Variants in UBE2F observed in about 807,000 individuals in gnomAD.
UBE2F encodes the protein NEDD8-conjugating enzyme UBE2F.
Under a neutral mutation model 29.6 loss-of-function variants are expected in UBE2F, and 5 were observed. The ratio of observed to expected loss-of-function variants is 0.17; its 90% confidence interval spans 0.09 to 0.36. UBE2F has a LOEUF of 0.36. UBE2F is among the 10% of genes least tolerant of loss of function. The pLI, the probability that UBE2F is intolerant of heterozygous loss-of-function variation, is 1.00. For synonymous variants in UBE2F, 66 were observed against 81.8 expected (o/e 0.81, Z 1.04); for missense variants, 141 against 228.5 (o/e 0.62, Z 2.47).
chr2:238,035,685 C>T (rs2064692863), intron 8 of UBE2F, 193 bp from the exon 9 acceptor site: 1 of 546,298 alleles, frequency 1.8e-6, no homozygotes, highest in African/African-American at 1.9e-5. Flanking sequence ...TTGTCAGTCA[C>T]CATTTTGAAA....
intron 9 of UBE2F, among the ~76,000 whole-genome samples, chr2:238,038,404 G>C (rs1334087543): frequency 1.3e-5 from 2 of 152,200 alleles, no homozygotes; most frequent in African/African-American, 4.8e-5. Flanking sequence ...TGTGTTGTCT[G>C]GTAAAGCCTT....
chr2:237,990,419 A>G, intron 3 of UBE2F: 1 of 431,074 alleles, frequency 2.3e-6, no homozygotes, highest in South Asian at 1.7e-5. Flanking sequence ...TTTTTTTTTT[A>G]ATAGACAGGG....
chr2:238,040,906 G>A lies in UBE2F; in HGVS notation c.508-382G>A, dbSNP rs549090382. On this transcript the variant is annotated intron_variant, in intron 9 of 9. Transcript: ENST00000272930. The surrounding 1 kb of genome is among the most constrained non-coding windows in gnomAD (Gnocchi z 4.4). ...CTAGGAAGACAAATCCAGAAACAAGGGTCTTCCTGAGAGCAGCAGCTGTGG... is the reference window on the plus strand; with the variant it reads ...CTAGGAAGACAAATCCAGAAACAAGAGTCTTCCTGAGAGCAGCAGCTGTGG... 6.6e-6 allele frequency among the ~76,000 whole-genome samples: 1 copy of A among 152,218 alleles called. No individual in the cohort carries two copies. The highest frequency in any genetic ancestry group is 1.9e-4 in the East Asian group (1 of 5,172).
chr2:238,021,212 T>A (rs1278019189), intron 5 of UBE2F, among the ~76,000 whole-genome samples: 1 of 152,168 alleles, frequency 6.6e-6, no homozygotes, highest in Non-Finnish European at 1.5e-5. Flanking sequence ...AACATGACCA[T>A]GGCCAGCCCG....
intron 3 of UBE2F, among the ~76,000 whole-genome samples, chr2:237,988,777 C>T (rs753421726): frequency 3.9e-5 from 6 of 152,142 alleles, no homozygotes; most frequent in African/African-American, 7.2e-5. Context: ...AACAGTTCCA[C>T]TTTTGTTAGG....
intron 1 of UBE2F, among the ~76,000 whole-genome samples, chr2:237,968,101 A>G (rs1209527749): frequency 1.3e-5 from 2 of 152,166 alleles, no homozygotes; most frequent in Admixed American, 6.5e-5. Context: ...CTGGAAATGA[A>G]CAGGGTGTTG....
intron 3 of UBE2F, among the ~76,000 whole-genome samples, chr2:237,988,781 T>A (rs1048182953): frequency 6.6e-6 from 1 of 152,130 alleles, no homozygotes; most frequent in African/African-American, 2.4e-5. Context: ...GTTCCACTTT[T>A]GTTAGGGATG....
chr2:238,034,924 GCT>G (rs1406968919), intron 8 of UBE2F, among the ~76,000 whole-genome samples: 11 of 151,212 alleles, frequency 7.3e-5, no homozygotes, highest in Admixed American at 7.3e-4. Flanking sequence ...ACCGAGTCTT[GCT>G]CTGTCACCCA....
rs903995788 is a variant in UBE2F, at chr2:237,967,272, G to C, written c.-17+140G>C. On this transcript the variant is annotated intron_variant, in intron 1 of 9. Transcript: ENST00000272930. The surrounding 1 kb of genome is among the most constrained non-coding windows in gnomAD (Gnocchi z 6.3). ...GGGTTCCTCACGCCGGGGGCCTGGC[G>C]GGCGCGGGCACCCGGACGCGAGGCC... 13 of 458,290 alleles carry C rather than the reference G, an allele frequency of 2.8e-5. No individual in the cohort carries two copies. Among genetic ancestry groups the C allele is most frequent in the Non-Finnish European group, 3.4e-5 (12 of 350,612 alleles). 28.4% of individuals were successfully genotyped at this position (458,290 alleles called of 1,614,324 possible).
chr2:237,989,791 G>A (rs1288807511), intron 3 of UBE2F, among the ~76,000 whole-genome samples: 1 of 152,054 alleles, frequency 6.6e-6, no homozygotes, highest in Non-Finnish European at 1.5e-5. Flanking sequence ...TCTTCAACTC[G>A]GAAATGAGGC....
intron 5 of UBE2F, among the ~76,000 whole-genome samples, chr2:238,018,101 C>A (rs2064203760): frequency 6.6e-6 from 1 of 152,158 alleles, no homozygotes; most frequent in Non-Finnish European, 1.5e-5. Flanking sequence ...TGTCCATCCA[C>A]CACCTGCTGA....
chr2:238,030,186 G>A (rs139718402), intron 6 of UBE2F, among the ~76,000 whole-genome samples: 153 of 151,974 alleles, frequency 1.0e-3, no homozygotes, highest in African/African-American at 3.4e-3. Flanking sequence ...ACCTTGCCTC[G>A]GCCTCCCAGA....
intron 2 of UBE2F, among the ~76,000 whole-genome samples, chr2:237,985,073 A>G (rs902832311): frequency 6.6e-6 from 1 of 151,858 alleles, no homozygotes; most frequent in Admixed American, 6.6e-5. Flanking sequence ...GCCTGAAGCA[A>G]TCCTCCTGCC....
At chr2:237,968,492 C>T (rs1000592604) in intron 1 of UBE2F, among the ~76,000 whole-genome samples, 1 of 152,158 alleles carries the variant, frequency 6.6e-6, no homozygotes, top group African/African-American at 2.4e-5. Flanking sequence ...CCTAGTGACC[C>T]GCAGTCCCAT....
At chr2:238,010,891 C>T (rs1252965766) in intron 4 of UBE2F, among the ~76,000 whole-genome samples, 1 of 152,188 alleles carries the variant, frequency 6.6e-6, no homozygotes, top group Non-Finnish European at 1.5e-5. Flanking sequence ...GTCCTTTTAT[C>T]TTCATGGTAG....
At chr2:238,019,284 G>A (rs1466631609) in intron 5 of UBE2F, among the ~76,000 whole-genome samples, 1 of 152,190 alleles carries the variant, frequency 6.6e-6, no homozygotes, top group Non-Finnish European at 1.5e-5. Context: ...AAACCCAGAA[G>A]TACTGAGAGC....
intron 6 of UBE2F, chr2:238,029,114 A>G (rs921277452): frequency 5.3e-5 from 8 of 152,094 alleles, no homozygotes; most frequent in Admixed American, 3.9e-4. Context: ...CAGCTGATAG[A>G]CAGTAATGAC....
At chr2:238,002,974 A>G (rs897864347) in intron 4 of UBE2F, among the ~76,000 whole-genome samples, 7 of 152,286 alleles carry the variant, frequency 4.6e-5, no homozygotes, top group East Asian at 1.9e-4. Flanking sequence ...AGTTATGGAC[A>G]TGTAAGGAAG....
At chr2:237,992,903 T>G (rs2106350298) in intron 3 of UBE2F, among the ~76,000 whole-genome samples, 1 of 152,308 alleles carries the variant, frequency 6.6e-6, no homozygotes, top group South Asian at 2.1e-4. Context: ...TTAAACAAAT[T>G]TTTAAAAAGT....
Sources: gnomAD v4.1 joint callset for allele counts (sites outside exome capture counted in the v4.1 genomes callset) on GRCh38, gnomAD v4.1.1 for gene constraint, Gnocchi (gnomAD v3.1) non-coding constraint, MANE v1.5 for transcripts, NCBI Gene and HGNC (gene_info 2026-07-23, HGNC 2026-07-21) for gene names.